ZNF585B: variants seen among roughly 807,000 people sequenced by gnomAD.
The protein encoded by ZNF585B is zinc finger protein 41-like protein.
ZNF585B carries 7 observed loss-of-function variants against 14.0 expected under a neutral mutation model. The ratio of observed to expected loss-of-function variants is 0.50; its 90% CI spans 0.28 to 0.94. The LOEUF (loss-of-function observed/expected upper bound fraction) is 0.94, where lower values mean the gene tolerates loss of function less well. Ranked by LOEUF, ZNF585B falls within the 40% of genes least tolerant of loss-of-function variation. ZNF585B has a pLI of 0.09. For missense variants in ZNF585B, 750 were observed against 924.4 expected, an observed-to-expected ratio of 0.81 and a Z score of 2.45; for synonymous variants, 290 against 317.3, an observed-to-expected ratio of 0.91 and a Z score of 0.91.
At chr19:37,199,269 G>A in intron 2 of ZNF585B, 1 of 369,694 alleles carries the variant, frequency 2.7e-6, no homozygotes. Context: ...GGCCCATGCT[G>A]TAATCCTGGG....
Position 37,190,163 on chromosome 19 carries a change from A to G in ZNF585B, c.73-13T>C, listed in dbSNP as rs375120735. ...AGGACACTGATCCCTGTAAGGGCAC[A>G]TTCCTGTTCAATGTGCATAGTCAGC... On this transcript the variant is annotated splice_polypyrimidine_tract_variant and intron_variant, in intron 2 of 4. Coordinates refer to ENST00000532828, the MANE Select transcript of ZNF585B (RefSeq NM_152279.4). The G allele has an allele frequency of 3.1e-6, 5 of 1,614,030 alleles. No homozygotes were observed. The highest frequency in any genetic ancestry group is 4.2e-6 in the Non-Finnish European group (5 of 1,180,006).
intron 2 of ZNF585B, among the ~76,000 whole-genome samples, chr19:37,200,549 C>CAAAA (rs368092726): frequency 2.0e-5 from 1 of 48,800 alleles, no homozygotes; most frequent in African/African-American, 7.8e-5. Flanking sequence ...GATTCTGTCT[C>CAAAA]AAAAAAAAAA....
chr19:37,189,381 A>G (rs1218410054), intron 4 of ZNF585B, among the ~76,000 whole-genome samples: 1 of 152,208 alleles, frequency 6.6e-6, no homozygotes, highest in Non-Finnish European at 1.5e-5. Flanking sequence ...ACTCTAGGAC[A>G]ATATGGAAGG....
chr19:37,186,041 C>A lies in ZNF585B; in HGVS notation c.1496G>T (p.Cys499Phe). Reference protein sequence around the residue: ...TGEKSYICSKCGKAFTQRSDL... With the variant: ...TGEKSYICSKFGKAFTQRSDL... ...TGACCTCTGGGTGAAGGCCTTTCCA[C>A]ATTTGGAACATATATAAGATTTCTC... is the stretch of plus-strand genomic sequence containing the variant. The change falls in exon 5 of 5, where the codon TGT becomes TTT. Residue 499 changes from cysteine to phenylalanine, a missense_variant. Physicochemically the swap from Cys to Phe is radical, Grantham distance 205. This residue lies in a region of ZNF585B where 233 missense variants were observed against 354.1 expected (regional missense o/e 0.66). Coordinates refer to ENST00000532828, the MANE Select transcript of ZNF585B (RefSeq NM_152279.4). 6.2e-7 allele frequency: 1 copy of A among 1,614,006 alleles called. No individual in the cohort carries two copies. The highest frequency in any genetic ancestry group is 8.5e-7 in the Non-Finnish European group (1 of 1,179,992).
In ZNF585B at chr19:37,185,464, C is replaced by T. The variant is rs1184965527; in HGVS notation, c.2073G>A (p.Glu691=). 13 of 1,608,504 alleles carry T rather than the reference C, an allele frequency of 8.1e-6. No homozygotes were observed. The highest frequency in any genetic ancestry group is 4.5e-5 in the East Asian group (2 of 44,598). Residue 691 remains glutamate (E), a synonymous_variant, in exon 5 of 5, where the codon GAG becomes GAA. Coordinates refer to ENST00000532828, the MANE Select transcript of ZNF585B (RefSeq NM_152279.4). ...TGAAAGACTTCCCACAGTCACTGCA[C>T]TCATAAGGTTTCTCTCCAGTATGAA... is the stretch of plus-strand genomic sequence containing the variant. ...HRIHTGEKPY[E]CSDCGKSFTK... is the part of the protein sequence containing the mutation.
chr19:37,184,424 A>AGAG lies in ZNF585B; in HGVS notation c.*802_*803insCTC, dbSNP rs1568504848. Reference sequence around the variant, plus strand: ...AGAAAGAAAGAAAGAAAGAGAAAGAAAGAAAAAGAAAGAAAGAAGGAAAGA... The same window carrying AGAG: ...AGAAAGAAAGAAAGAAAGAGAAAGAAGAGAGAAAAAGAAAGAAAGAAGGAAAGA... On this transcript the variant is annotated 3_prime_UTR_variant, in exon 5 of 5. Transcript: ENST00000532828. 4 of 101,454 alleles carry AGAG rather than the reference A, an allele frequency of 3.9e-5. No individual in the cohort carries two copies. In the East Asian group the frequency reaches 1.1e-3, roughly 27 times the overall value. The allele number at this position is 101,454 out of a possible 1,614,324, so 6.3% of individuals were successfully genotyped here.
chr19:37,185,233 G>A lies in ZNF585B; in HGVS notation c.2304C>T (p.His768=), dbSNP rs781688576. 3.3e-5 allele frequency: 53 copies of A among 1,610,744 alleles called. No homozygotes were observed. Among genetic ancestry groups the A allele is most frequent in the Admixed American group, 3.2e-4 (19 of 59,912 alleles). Residue 768 remains histidine (H), a synonymous_variant, in exon 5 of 5, where the codon CAC becomes CAT. Transcript: ENST00000532828. ...KSVFSVHQSS[H]A is the part of the protein sequence containing the mutation. ...TTTTCTCACACTGTTTCTCTCAAGC[G>A]TGGCTGCTCTGATGAACACTGAACA...
chr19:37,190,082 A>G lies in ZNF585B; in HGVS notation c.141T>C (p.Ser47=), dbSNP rs1404658695. The G allele has an allele frequency of 1.9e-6, 3 of 1,614,092 alleles. No homozygotes were observed. Among genetic ancestry groups the G allele is most frequent in the East Asian group, 2.2e-5 (1 of 44,868 alleles). The stretch of plus-strand genomic sequence containing the variant: ...TCACATCCCGGTACAGGTTTCTCTG[A>G]GAAAGGTCCAGGTGCCGCCATTCCT... ...SREEWRHLDL[S]QRNLYRDVML... is the part of the protein sequence containing the mutation. The change falls in exon 3 of 5, where the codon TCT becomes TCC. Residue 47 remains serine (S), a synonymous_variant. Transcript: ENST00000532828.
chr19:37,187,613 T>C (rs1392071456), intron 4 of ZNF585B, among the ~76,000 whole-genome samples: 3 of 152,176 alleles, frequency 2.0e-5, no homozygotes, highest in African/African-American at 7.2e-5. Context: ...TTCCCTTTCA[T>C]TGTGGAAAGA....
chr19:37,208,214 G>A (rs918651441), intron 1 of ZNF585B, among the ~76,000 whole-genome samples: 7 of 152,000 alleles, frequency 4.6e-5, no homozygotes, highest in Non-Finnish European at 7.4e-5. Flanking sequence ...CTTGTGATCC[G>A]CCTGCCTCGG....
In ZNF585B at chr19:37,185,600, C is replaced by T. The variant is rs1399526265; in HGVS notation, c.1937G>A (p.Arg646Lys). 1 of 1,613,952 alleles carries T rather than the reference C, an allele frequency of 6.2e-7. No homozygotes were observed. ...CAECGKAFSG[R>K]SNLSKHQKTH... ...TTTCTGGTGCTTACTGAGATTTGAC[C>T]TGCCACTAAAGGCTTTCCCACACTC... Residue 646 changes from arginine to lysine, a missense_variant, in exon 5 of 5, where the codon AGG (arginine) becomes AAG (lysine). Physicochemically the swap from Arg to Lys is conservative, Grantham distance 26 (BLOSUM62 2). Around this residue, in one of 2 missense-constraint regions of ZNF585B, gnomAD observed 233 missense variants for 354.1 expected, o/e 0.66. Transcript: ENST00000532828.
intron 2 of ZNF585B, among the ~76,000 whole-genome samples, chr19:37,200,152 G>A (rs1381612205): frequency 6.6e-6 from 1 of 151,976 alleles, no homozygotes; most frequent in African/African-American, 2.4e-5. Context: ...ATGTGGTTAT[G>A]TAAATTTTTG....
rs1272233738 is a variant in ZNF585B, at chr19:37,189,692, C to A, written c.261G>T (p.Leu87=). 4.3e-6 allele frequency: 7 copies of A among 1,613,464 alleles called. No homozygotes were observed. In the African/African-American group the frequency reaches 8.0e-5, roughly 18 times the overall value. ...MLEQGKEPWA[L]QGERPRHSCP... The stretch of plus-strand genomic sequence containing the variant: ...AGCTGTGACGTGGCCTCTCACCCTG[C>A]AGTGCCCATGGTTCCTTTCCTTGCT... The change falls in exon 4 of 5, where the codon CTG becomes CTT. Residue 87 remains leucine, a synonymous_variant. Coordinates refer to ENST00000532828, the MANE Select transcript of ZNF585B (RefSeq NM_152279.4).
rs138717982 is a variant in ZNF585B, at chr19:37,201,208, G to A, written c.72+5832C>T. On this transcript the variant is annotated intron_variant, in intron 2 of 4. Transcript: ENST00000532828. ...ATCTGGAATTGCCAAAGGAAAGGAA[G>A]CAAGAACCTCCACCTTAATATTTGA... Among the ~76,000 whole-genome samples, 318 of 152,068 alleles carry A rather than the reference G, an allele frequency of 2.1e-3. 3 individuals carry two copies. Among genetic ancestry groups the A allele is most frequent in the African/African-American group, 7.5e-3 (311 of 41,468 alleles).
At position 37,187,017 on chromosome 19, in the gene ZNF585B, T is replaced by C. The variant is rs1207202214; in HGVS notation, c.520A>G (p.Ile174Val). 1 of 1,613,050 alleles carries C rather than the reference T, an allele frequency of 6.2e-7. No individual in the cohort carries two copies. Among genetic ancestry groups the C allele is most frequent in the Non-Finnish European group, 8.5e-7 (1 of 1,179,734 alleles). ...GRAFVQKPEF[I>V]THQKTHMREK... ...CTCATATGGGTTTTCTGATGTGTGA[T>C]GAATTCTGGCTTCTGTACAAAAGCC... is the stretch of plus-strand genomic sequence containing the variant. Residue 174 changes from isoleucine to valine, a missense_variant, in exon 5 of 5, where the codon ATC becomes GTC. Around this residue, in one of 2 missense-constraint regions of ZNF585B, gnomAD observed 517 missense variants for 570.3 expected, o/e 0.91. Transcript: ENST00000532828.
chr19:37,201,502 AT>A (rs1972530639), intron 2 of ZNF585B, among the ~76,000 whole-genome samples: 1 of 152,184 alleles, frequency 6.6e-6, no homozygotes, highest in Non-Finnish European at 1.5e-5. Context: ...ATAAAATCTT[AT>A]TGCTAAGATA....
intron 4 of ZNF585B, 104 bp downstream of exon 4, chr19:37,189,557 A>C: frequency 7.9e-7 from 1 of 1,272,368 alleles, no homozygotes; most frequent in Non-Finnish European, 1.1e-6. Flanking sequence ...CTTACTGAAG[A>C]GTGGTCTTAA....
rs539382866 is a variant in ZNF585B at position 37,193,818 on chromosome 19, A to G, written c.73-3668T>C. On this transcript the variant is annotated intron_variant, in intron 2 of 4. Transcript: ENST00000532828. The stretch of plus-strand genomic sequence containing the variant: ...AAACTTAAAAAGTAAGAGACTTACG[A>G]ATCATACTAACCAAATGCACCTTGT... Among the ~76,000 whole-genome samples the G allele has an allele frequency of 1.2e-4, 18 of 152,306 alleles. No homozygotes were observed. The South Asian group carries it at 3.5e-3, about 30-fold the overall frequency.
At chr19:37,198,943 TTGA>T in intron 2 of ZNF585B, 1 of 1,481,678 alleles carries the variant, frequency 6.7e-7, no homozygotes, top group Non-Finnish European at 9.0e-7. Context: ...AGCTACCTTG[TTGA>T]TTTCTTCATT....
Sources: allele counts gnomAD v4.1 joint callset (sites outside exome capture counted in the v4.1 genomes callset), GRCh38; gene constraint gnomAD v4.1.1; regional missense constraint gnomAD v4.1.1; transcripts MANE v1.5; gene names NCBI Gene and HGNC (gene_info 2026-07-23, HGNC 2026-07-21).